LTBP1: variants seen among roughly 807,000 people sequenced by gnomAD.
LTBP1 encodes latent transforming growth factor beta binding protein 1.
In LTBP1, 129 loss-of-function variants were observed where a neutral mutation model predicts 207.6. The observed-to-expected ratio is 0.62, with a 90% CI of 0.54 to 0.72. The LOEUF (loss-of-function observed/expected upper bound fraction) is 0.72, where lower values mean the gene tolerates loss of function less well. Ranked by LOEUF, LTBP1 falls within the 30% of genes least tolerant of loss-of-function variation. The pLI is 0.00. For missense variants in LTBP1, 2,281 were observed against 2,217.2 expected, an observed-to-expected ratio of 1.03 and a Z score of -0.58; for synonymous variants, 963 against 833.7, an observed-to-expected ratio of 1.16 and a Z score of -2.67.
At chr2:33,305,956 A>G (rs537292457) in intron 22 of LTBP1, among the ~76,000 whole-genome samples, 2 of 152,350 alleles carry the variant, frequency 1.3e-5, no homozygotes, top group South Asian at 4.1e-4. Flanking sequence ...CAGTCTTGGT[A>G]GAAAGATGAC....
intron 31 of LTBP1, among the ~76,000 whole-genome samples, chr2:33,387,938 G>A (rs931430155): frequency 6.6e-6 from 1 of 152,200 alleles, no homozygotes; most frequent in Non-Finnish European, 1.5e-5. Flanking sequence ...CCTGGGGCCT[G>A]TAGCCTGCCT....
chr2:33,233,382 G>A (rs1266597276), intron 9 of LTBP1, among the ~76,000 whole-genome samples: 1 of 151,938 alleles, frequency 6.6e-6, no homozygotes, highest in Non-Finnish European at 1.5e-5. Flanking sequence ...ATTGTTCATA[G>A]CTACCTGTTC....
At chr2:33,374,568 A>T (rs938632873) in intron 31 of LTBP1, among the ~76,000 whole-genome samples, 1 of 152,202 alleles carries the variant, frequency 6.6e-6, no homozygotes, top group African/African-American at 2.4e-5. Flanking sequence ...CAAGCGTTCC[A>T]GTTCTGTGGG....
chr2:33,310,030 C>G (rs887208541), intron 23 of LTBP1, among the ~76,000 whole-genome samples: 4 of 151,060 alleles, frequency 2.6e-5, no homozygotes, highest in African/African-American at 9.7e-5. Flanking sequence ...TCACTGCAAC[C>G]TCCACCTCCC....
chr2:32,948,290 T>A (rs1043030117), intron 1 of LTBP1, among the ~76,000 whole-genome samples: 1 of 152,222 alleles, frequency 6.6e-6, no homozygotes, highest in Admixed American at 6.5e-5. Context: ...AGAGAAATCA[T>A]GGGCTTGGAC....
intron 3 of LTBP1, among the ~76,000 whole-genome samples, chr2:33,058,399 A>G (rs2077109687): frequency 6.6e-6 from 1 of 152,192 alleles, no homozygotes; most frequent in African/African-American, 2.4e-5. Flanking sequence ...AAAGCTTCCA[A>G]TGTTTAAGTG....
chr2:33,199,915 C>A (rs1249772977), intron 7 of LTBP1, among the ~76,000 whole-genome samples: 1 of 152,122 alleles, frequency 6.6e-6, no homozygotes, highest in Non-Finnish European at 1.5e-5. Context: ...ATCCAACTTA[C>A]AAAGGATGTG....
chr2:33,268,230 T>TGG (rs1379841823), intron 15 of LTBP1, among the ~76,000 whole-genome samples: 1 of 152,232 alleles, frequency 6.6e-6, no homozygotes, highest in Admixed American at 6.5e-5. Flanking sequence ...CGGTTTCATA[T>TGG]GGGAGCCAAA....
rs71447903 is a variant in LTBP1 at position 33,254,079 on chromosome 2, G to C, written c.2167+1235G>C. ...TAATTTTCTTTTTGTATTTTTAGTA[G>C]AGACGGAGTTTGACTGTGTTACTTG... is the stretch of plus-strand genomic sequence containing the variant. On this transcript the variant is annotated intron_variant, in intron 11 of 33. Transcript: ENST00000404816. Among the ~76,000 whole-genome samples the C allele has an allele frequency of 7.9e-5, 12 of 151,832 alleles. No individual in the cohort carries two copies. In the South Asian group the frequency reaches 2.5e-3, roughly 32 times the overall value.
intron 15 of LTBP1, among the ~76,000 whole-genome samples, chr2:33,266,809 C>T (rs367799391): frequency 5.6e-4 from 85 of 152,272 alleles, no homozygotes; most frequent in African/African-American, 1.8e-3. Flanking sequence ...CTCCAGTTTT[C>T]TGTATACCTC....
rs1322155487 is a variant in LTBP1, at chr2:33,019,265, G to GGAAT, written c.566-1643_566-1640dup. Among the ~76,000 whole-genome samples, 3 of 150,632 alleles carry GGAAT rather than the reference G, an allele frequency of 2.0e-5. No homozygotes were observed. In the East Asian group the frequency reaches 5.8e-4, roughly 29 times the overall value. ...TTGAACAAATAAAGAAGGGACTGAA[G>GGAAT]GAATCATGGCCATAAGCTTATGACA... On this transcript the variant is annotated intron_variant, in intron 2 of 33. Coordinates refer to ENST00000404816, the MANE Select transcript of LTBP1 (RefSeq NM_206943.4).
intron 3 of LTBP1, chr2:33,063,141 C>G (rs2077348874): frequency 6.6e-6 from 1 of 152,044 alleles, no homozygotes; most frequent in African/African-American, 2.4e-5. Context: ...CAATTTTGTT[C>G]TGCATTTTCA....
chr2:33,140,409 C>G (rs1028965627), intron 5 of LTBP1, among the ~76,000 whole-genome samples: 3 of 152,120 alleles, frequency 2.0e-5, no homozygotes, highest in African/African-American at 7.2e-5. Flanking sequence ...AAAATGCCAT[C>G]GTGTCTCCCT....
chr2:33,124,832 G>C (rs1409215256), intron 4 of LTBP1, among the ~76,000 whole-genome samples: 1 of 152,228 alleles, frequency 6.6e-6, no homozygotes, highest in African/African-American at 2.4e-5. Flanking sequence ...GTCTTGTGAG[G>C]TAGATAGGTT....
At chr2:33,016,751 A>G (rs1349238014) in intron 2 of LTBP1, among the ~76,000 whole-genome samples, 4 of 152,232 alleles carry the variant, frequency 2.6e-5, no homozygotes, top group Admixed American at 2.6e-4. Flanking sequence ...GGCTGGGGGC[A>G]GTGGCTCATG....
intron 10 of LTBP1, among the ~76,000 whole-genome samples, chr2:33,247,572 A>G (rs544795771): frequency 6.6e-6 from 1 of 152,258 alleles, no homozygotes; most frequent in Non-Finnish European, 1.5e-5. Context: ...AGAAGTTACA[A>G]CAGAAATCAT....
chr2:33,048,461 T>C (rs967032353), intron 3 of LTBP1, among the ~76,000 whole-genome samples: 1 of 152,252 alleles, frequency 6.6e-6, no homozygotes, highest in African/African-American at 2.4e-5. Flanking sequence ...GGCACATTGA[T>C]GCCTAATAGC....
chr2:33,228,763 A>C (rs546534510), intron 9 of LTBP1, among the ~76,000 whole-genome samples: 52 of 131,876 alleles, frequency 3.9e-4, no homozygotes, highest in Middle Eastern at 4.9e-3. Context: ...GCAGTGGTGC[A>C]ATCTCGGCTC....
In LTBP1 at chr2:33,347,372, A is replaced by T. The variant is rs1166261239; in HGVS notation, c.3862A>T (p.Asn1288Tyr). 1 of 1,614,008 alleles carries T rather than the reference A, an allele frequency of 6.2e-7. No homozygotes were observed. The highest frequency in any genetic ancestry group is 1.3e-5 in the African/African-American group (1 of 74,912). The change falls in exon 26 of 34, where the codon AAT (asparagine) becomes TAT (tyrosine). Residue 1288 changes from asparagine to tyrosine, a missense_variant. Asn to Tyr is a moderately radical substitution (Grantham distance 143). This residue lies in a region of LTBP1 where 1,671 missense variants were observed against 1,634.8 expected (regional missense o/e 1.02). Coordinates refer to ENST00000404816, the MANE Select transcript of LTBP1 (RefSeq NM_206943.4). ...GTCTGTGCTCCCTTTTCCAGATGTG[A>T]ATGAATGTGAACTGCTCAGTGGGGT... ...PQDGQGCVDV[N>Y]ECELLSGVCG...
Sources: gnomAD v4.1 joint callset for allele counts (sites outside exome capture counted in the v4.1 genomes callset) on GRCh38, gnomAD v4.1.1 for gene constraint, gnomAD v4.1.1 regional missense constraint, MANE v1.5 for transcripts, NCBI Gene and HGNC (gene_info 2026-07-23, HGNC 2026-07-21) for gene names.